The following TRPM3 variants were observed in gnomAD, a reference collection of about 807,000 sequenced individuals.
The protein encoded by TRPM3 is transient receptor potential cation channel subfamily M member 3.
Under a neutral mutation model 181.2 loss-of-function variants are expected in TRPM3, and 77 were observed. That is an observed-to-expected ratio of 0.42 (90% CI 0.35 to 0.51). TRPM3 has a LOEUF of 0.51. TRPM3 is among the 20% of genes least tolerant of loss of function. The pLI is 0.01. For missense variants in TRPM3, 1,759 were observed against 2,196.7 expected, an observed-to-expected ratio of 0.80 and a Z score of 3.98; for synonymous variants, 745 against 796.4, an observed-to-expected ratio of 0.94 and a Z score of 1.09.
At chr9:71,101,153 C>T (rs75092802) in intron 1 of TRPM3, among the ~76,000 whole-genome samples, 7,597 of 152,260 alleles carry the variant, frequency 0.05, 284 homozygotes, top group Non-Finnish European at 0.077. Flanking sequence ...AACTCATTTA[C>T]TCATTCATTC....
At chr9:71,218,288 C>T (rs79362593) in intron 1 of TRPM3, among the ~76,000 whole-genome samples, 1 of 152,248 alleles carries the variant, frequency 6.6e-6, no homozygotes, top group African/African-American at 2.4e-5. Context: ...ACAACGCACT[C>T]TCATGTAGCA....
chr9:70,624,230 T>C (rs1275701577), intron 14 of TRPM3, among the ~76,000 whole-genome samples: 2 of 152,336 alleles, frequency 1.3e-5, no homozygotes, highest in African/African-American at 4.8e-5. Flanking sequence ...CAATCTATGA[T>C]GTTACAAGAT....
chr9:71,008,713 G>C (rs1416393850), intron 1 of TRPM3, among the ~76,000 whole-genome samples: 1 of 152,008 alleles, frequency 6.6e-6, no homozygotes, highest in Non-Finnish European at 1.5e-5. Context: ...GGCATGGTGG[G>C]TGGTGCCTGT....
At chr9:71,185,373 A>G (rs1233559485) in intron 1 of TRPM3, among the ~76,000 whole-genome samples, 2 of 152,140 alleles carry the variant, frequency 1.3e-5, no homozygotes, top group Admixed American at 1.3e-4. Context: ...GCTTGTAGCA[A>G]TTCTACAAAT....
intron 3 of TRPM3, among the ~76,000 whole-genome samples, chr9:70,856,182 G>A (rs560805060): frequency 1.3e-5 from 2 of 152,216 alleles, no homozygotes; most frequent in South Asian, 2.1e-4. Context: ...TTTCTTGGAT[G>A]AGAATTGGTT....
intron 22 of TRPM3, among the ~76,000 whole-genome samples, chr9:70,574,003 C>CAA (rs1418284866): frequency 3.2e-5 from 4 of 126,230 alleles, no homozygotes; most frequent in African/African-American, 8.5e-5. Flanking sequence ...CACACACACA[C>CAA]ACACACACAC....
At chr9:71,400,444 T>C (rs1344694877) in intron 1 of TRPM3, among the ~76,000 whole-genome samples, 1 of 152,222 alleles carries the variant, frequency 6.6e-6, no homozygotes, top group Non-Finnish European at 1.5e-5. Flanking sequence ...CTTATGTTCT[T>C]ATTTAATTCT....
chr9:70,952,361 C>A (rs1250991299), intron 1 of TRPM3, among the ~76,000 whole-genome samples: 1 of 152,080 alleles, frequency 6.6e-6, no homozygotes, highest in African/African-American at 2.4e-5. Context: ...ACCAAAAAGA[C>A]CCTTGCTAGT....
At chr9:70,819,225 C>A (rs2092961075) in intron 6 of TRPM3, among the ~76,000 whole-genome samples, 1 of 152,120 alleles carries the variant, frequency 6.6e-6, no homozygotes, top group Non-Finnish European at 1.5e-5. Context: ...CTCTCCCATG[C>A]CATTAATAAG....
At chr9:71,444,231 G>A (rs1589052011) in intron 1 of TRPM3, among the ~76,000 whole-genome samples, 1 of 149,776 alleles carries the variant, frequency 6.7e-6, no homozygotes, top group African/African-American at 2.5e-5. Context: ...ACAGAGTCAT[G>A]GACTATATCA....
intron 1 of TRPM3, among the ~76,000 whole-genome samples, chr9:71,381,852 T>G (rs1291777708): frequency 6.6e-6 from 1 of 151,906 alleles, no homozygotes; most frequent in East Asian, 1.9e-4. Flanking sequence ...TCTTTCTTAT[T>G]TGTCCCCAGC....
intron 5 of TRPM3, among the ~76,000 whole-genome samples, chr9:70,832,925 T>C (rs1449414536): frequency 2.0e-5 from 3 of 152,218 alleles, no homozygotes; most frequent in Non-Finnish European, 4.4e-5. Flanking sequence ...AAATATAGTG[T>C]GTGATAAATA....
intron 14 of TRPM3, among the ~76,000 whole-genome samples, chr9:70,622,900 A>T (rs1343432085): frequency 2.6e-5 from 4 of 152,084 alleles, no homozygotes; most frequent in African/African-American, 9.7e-5. Context: ...CTAGGCTAAT[A>T]TCTATTTCAT....
intron 1 of TRPM3, among the ~76,000 whole-genome samples, chr9:71,072,217 T>C (rs1011245523): frequency 6.6e-6 from 1 of 152,182 alleles, no homozygotes; most frequent in African/African-American, 2.4e-5. Context: ...ATTTTTGAGA[T>C]TTCTCTATTT....
intron 1 of TRPM3, among the ~76,000 whole-genome samples, chr9:71,079,746 C>A (rs2063958867): frequency 6.6e-6 from 1 of 152,158 alleles, no homozygotes; most frequent in African/African-American, 2.4e-5. Context: ...GATGTGCTCA[C>A]CAAGTGGTGC....
chr9:70,964,514 T>G (rs2097167442), intron 1 of TRPM3, among the ~76,000 whole-genome samples: 5 of 152,076 alleles, frequency 3.3e-5, no homozygotes, highest in Admixed American at 1.3e-4. Flanking sequence ...ACAGCAAGCA[T>G]TCACTGAGAA....
chr9:71,387,215 A>G (rs1198017296), intron 1 of TRPM3, among the ~76,000 whole-genome samples: 1 of 152,204 alleles, frequency 6.6e-6, no homozygotes, highest in Non-Finnish European at 1.5e-5. Flanking sequence ...CCAGTTAAGA[A>G]GCTTCCTCAA....
intron 1 of TRPM3, among the ~76,000 whole-genome samples, chr9:71,041,730 C>T (rs1199924583): frequency 6.6e-6 from 1 of 152,016 alleles, no homozygotes; most frequent in Non-Finnish European, 1.5e-5. Context: ...CTTTATTTTC[C>T]CAGTTTCTTC....
chr9:71,113,257 G>A (rs1459213655), intron 1 of TRPM3, among the ~76,000 whole-genome samples: 1 of 152,136 alleles, frequency 6.6e-6, no homozygotes, highest in African/African-American at 2.4e-5. Context: ...ATAGACAGAA[G>A]GGGGTGGAAC....
Sources: allele counts gnomAD v4.1 joint callset (sites outside exome capture counted in the v4.1 genomes callset), GRCh38; gene constraint gnomAD v4.1.1; transcripts MANE v1.5; gene names NCBI Gene and HGNC (gene_info 2026-07-23, HGNC 2026-07-21).